Variants in GRID2 observed in about 807,000 individuals in gnomAD.
GRID2 encodes glutamate receptor ionotropic, delta-2.
Under a neutral mutation model 114.8 loss-of-function variants are expected in GRID2, and 33 were observed. That is an observed-to-expected ratio of 0.29 (90% CI 0.22 to 0.38). The LOEUF (loss-of-function observed/expected upper bound fraction) is 0.38, where lower values mean the gene tolerates loss of function less well. GRID2 is among the 10% of genes least tolerant of loss of function. The pLI, the probability that GRID2 is intolerant of heterozygous loss-of-function variation, is 1.00. For synonymous variants in GRID2, 505 were observed against 449.9 expected, an observed-to-expected ratio of 1.12 and a Z score of -1.55; for missense variants, 1,184 against 1,257.7, an observed-to-expected ratio of 0.94 and a Z score of 0.89.
At chr4:92,659,331 A>G (rs112984788) in intron 2 of GRID2, among the ~76,000 whole-genome samples, 5 of 151,684 alleles carry the variant, frequency 3.3e-5, no homozygotes, top group Middle Eastern at 3.4e-3. Flanking sequence ...GAGGAATTAG[A>G]GAAGGGAAAG....
At chr4:93,702,687 C>T (rs1320960562) in intron 14 of GRID2, among the ~76,000 whole-genome samples, 1 of 152,102 alleles carries the variant, frequency 6.6e-6, no homozygotes, top group Non-Finnish European at 1.5e-5. Flanking sequence ...GATACTACCT[C>T]AGCAATTTCT....
intron 1 of GRID2, among the ~76,000 whole-genome samples, chr4:92,493,959 C>G (rs1723269431): frequency 6.6e-6 from 1 of 152,092 alleles, no homozygotes; most frequent in Non-Finnish European, 1.5e-5. Flanking sequence ...TTTGAAGAAA[C>G]AAAAAGAAAT....
At chr4:92,498,661 G>T (rs1305234899) in intron 1 of GRID2, among the ~76,000 whole-genome samples, 1 of 151,772 alleles carries the variant, frequency 6.6e-6, no homozygotes, top group South Asian at 2.1e-4. Flanking sequence ...ATTAAAAGCT[G>T]CTTGAATTGT....
intron 1 of GRID2, among the ~76,000 whole-genome samples, chr4:92,330,379 G>T (rs1726820427): frequency 6.6e-6 from 1 of 152,042 alleles, no homozygotes; most frequent in South Asian, 2.1e-4. Context: ...GGTTTGGATG[G>T]CTGGTTTTAG....
At chr4:92,867,560 A>G (rs1295924777) in intron 2 of GRID2, among the ~76,000 whole-genome samples, 1 of 151,286 alleles carries the variant, frequency 6.6e-6, no homozygotes, top group Non-Finnish European at 1.5e-5. Context: ...CTGAATGCAG[A>G]GAGAAGTTTA....
intron 1 of GRID2, among the ~76,000 whole-genome samples, chr4:92,374,115 C>T (rs181060887): frequency 6.6e-6 from 1 of 152,110 alleles, no homozygotes; most frequent in East Asian, 1.9e-4. Flanking sequence ...GAGACTGTTT[C>T]TTTCAGGCCA....
chr4:93,698,024 A>G (rs1179213822), intron 14 of GRID2, among the ~76,000 whole-genome samples: 4 of 151,706 alleles, frequency 2.6e-5, no homozygotes, highest in Admixed American at 6.6e-5. Context: ...AGTTTACGGG[A>G]TATTTTTGGT....
intron 1 of GRID2, among the ~76,000 whole-genome samples, chr4:92,310,850 T>A (rs1162982386): frequency 6.6e-6 from 1 of 152,048 alleles, no homozygotes; most frequent in Non-Finnish European, 1.5e-5. Flanking sequence ...TGTGGCTATA[T>A]TTAATAGCTG....
At chr4:93,425,824 T>A (rs954486248) in intron 10 of GRID2, among the ~76,000 whole-genome samples, 1 of 152,158 alleles carries the variant, frequency 6.6e-6, no homozygotes, top group Admixed American at 6.6e-5. Context: ...GGGTCCTCAA[T>A]GACTAAGCCT....
intron 1 of GRID2, among the ~76,000 whole-genome samples, chr4:92,587,098 C>CTGTG (rs70942914): frequency 0.036 from 4,842 of 133,734 alleles, 112 homozygotes; most frequent in East Asian, 0.064. Flanking sequence ...TGATGAAATG[C>CTGTG]TGTGTGTGTG....
intron 2 of GRID2, among the ~76,000 whole-genome samples, chr4:92,946,377 T>C (rs890607956): frequency 3.3e-5 from 5 of 152,116 alleles, no homozygotes; most frequent in Admixed American, 6.6e-5. Context: ...TTCAGAAATA[T>C]GTTTATGCAG....
At chr4:92,806,486 T>C (rs12647035) in intron 2 of GRID2, among the ~76,000 whole-genome samples, 3,466 of 151,990 alleles carry the variant, frequency 0.023, 98 homozygotes, top group East Asian at 0.12. Context: ...TTTAAGAAAA[T>C]AAGCCTTCTT....
At chr4:93,549,260 G>A (rs954062102) in intron 13 of GRID2, among the ~76,000 whole-genome samples, 2 of 152,074 alleles carry the variant, frequency 1.3e-5, no homozygotes, top group East Asian at 3.9e-4. Flanking sequence ...AGTAAAAGTT[G>A]TGCTTGCATT....
intron 1 of GRID2, among the ~76,000 whole-genome samples, chr4:92,353,928 T>C (rs1728193952): frequency 6.6e-6 from 1 of 152,042 alleles, no homozygotes; most frequent in Non-Finnish European, 1.5e-5. Flanking sequence ...TCTATTATAT[T>C]TCTCAACCAT....
chr4:92,957,477 C>G (rs1752494692), intron 2 of GRID2, among the ~76,000 whole-genome samples: 1 of 151,942 alleles, frequency 6.6e-6, no homozygotes, highest in South Asian at 2.1e-4. Context: ...ATGTAGGTCT[C>G]TTTCTGGACT....
chr4:93,632,778 A>C (rs1296477602), intron 14 of GRID2, among the ~76,000 whole-genome samples: 1 of 151,966 alleles, frequency 6.6e-6, no homozygotes, highest in East Asian at 1.9e-4. Context: ...CTTGATGCGG[A>C]TGGCATTGAA....
intron 8 of GRID2, among the ~76,000 whole-genome samples, chr4:93,285,570 A>T (rs1315031077): frequency 2.6e-5 from 4 of 152,082 alleles, no homozygotes; most frequent in Non-Finnish European, 5.9e-5. Flanking sequence ...TTTAAAACAT[A>T]GATGATTATA....
chr4:93,167,950 T>G (rs1303697612), intron 4 of GRID2, among the ~76,000 whole-genome samples: 1 of 152,082 alleles, frequency 6.6e-6, no homozygotes, highest in Non-Finnish European at 1.5e-5. Flanking sequence ...TCCCAGCACT[T>G]TGGGTGAACG....
At chr4:92,555,271 A>C (rs1297852348) in intron 1 of GRID2, among the ~76,000 whole-genome samples, 2 of 152,208 alleles carry the variant, frequency 1.3e-5, no homozygotes, top group African/African-American at 4.8e-5. Context: ...GTGTTGAAGT[A>C]AAGTTGCACT....
Sources: allele counts gnomAD v4.1 joint callset (sites outside exome capture counted in the v4.1 genomes callset), GRCh38; gene constraint gnomAD v4.1.1; transcripts MANE v1.5; gene names NCBI Gene and HGNC (gene_info 2026-07-23, HGNC 2026-07-21).